IMPG1: variants seen among roughly 807,000 people sequenced by gnomAD.
IMPG1 encodes the protein interphotoreceptor matrix proteoglycan 1.
Under a neutral mutation model 92.0 loss-of-function variants are expected in IMPG1, and 85 were observed. The ratio of observed to expected loss-of-function variants is 0.92; its 90% CI spans 0.78 to 1.11. The LOEUF (loss-of-function observed/expected upper bound fraction) is 1.11. Ranked by LOEUF, IMPG1 falls within the 50% of genes least tolerant of loss-of-function variation. IMPG1 has a pLI of 0.00. For synonymous variants in IMPG1, 367 were observed against 334.1 expected, an observed-to-expected ratio of 1.10 and a Z score of -1.08; for missense variants, 1,022 against 956.0, an observed-to-expected ratio of 1.07 and a Z score of -0.91.
At chr6:76,070,769 C>G (rs1784391689) in intron 1 of IMPG1, among the ~76,000 whole-genome samples, 1 of 151,864 alleles carries the variant, frequency 6.6e-6, no homozygotes, top group African/African-American at 2.4e-5. Flanking sequence ...ATAATGTATA[C>G]ACAAGAAAGA....
intron 4 of IMPG1, among the ~76,000 whole-genome samples, chr6:76,027,380 A>T (rs1429516977): frequency 6.6e-6 from 1 of 152,242 alleles, no homozygotes; most frequent in Non-Finnish European, 1.5e-5. Context: ...GCACACAATT[A>T]AAGTAACTTA....
intron 12 of IMPG1, among the ~76,000 whole-genome samples, chr6:75,979,068 A>T (rs1189666037): frequency 6.6e-6 from 1 of 151,644 alleles, no homozygotes; most frequent in African/African-American, 2.4e-5. Context: ...GTGTGCCACC[A>T]TACCTACCTA....
chr6:75,961,988 G>A (rs918842232), intron 12 of IMPG1, among the ~76,000 whole-genome samples: 1 of 142,200 alleles, frequency 7.0e-6, no homozygotes, highest in African/African-American at 2.5e-5. Context: ...ATGGTAAAGG[G>A]GACTTTGAAA....
chr6:76,018,553 T>A (rs1783337029), intron 7 of IMPG1, among the ~76,000 whole-genome samples, 165 bp downstream of exon 7: 1 of 152,184 alleles, frequency 6.6e-6, no homozygotes, highest in Admixed American at 6.5e-5. Flanking sequence ...GGAGATCCAT[T>A]TGTTCTAACA....
chr6:75,974,379 C>CT (rs1299698465), intron 12 of IMPG1, among the ~76,000 whole-genome samples: 6,075 of 87,408 alleles, frequency 0.07, 326 homozygotes, highest in East Asian at 0.13. Flanking sequence ...TTCTTTCTTT[C>CT]TTTCTTTCTT....
chr6:75,924,707 A>AT (rs372476449), intron 15 of IMPG1, among the ~76,000 whole-genome samples: 542 of 2,728 alleles, frequency 0.2, 216 homozygotes, highest in African/African-American at 0.23. Context: ...ATTATATATA[A>AT]TATATAATAT....
chr6:76,023,142 AT>A (rs1783463261), intron 5 of IMPG1, among the ~76,000 whole-genome samples: 2 of 152,232 alleles, frequency 1.3e-5, no homozygotes, highest in African/African-American at 2.4e-5. Flanking sequence ...TATCAGAATC[AT>A]CTAGGCAAGG....
At chr6:75,951,336 T>C (rs1345896364) in intron 12 of IMPG1, among the ~76,000 whole-genome samples, 1 of 152,080 alleles carries the variant, frequency 6.6e-6, no homozygotes, top group Non-Finnish European at 1.5e-5. Context: ...GGCCCAGTAG[T>C]TCTTGATATA....
intron 1 of IMPG1, among the ~76,000 whole-genome samples, chr6:76,064,706 C>T (rs1025059476): frequency 6.6e-6 from 1 of 152,180 alleles, no homozygotes; most frequent in African/African-American, 2.4e-5. Flanking sequence ...TTCCATAGAT[C>T]AGCCCATTGC....
chr6:75,948,681 C>G (rs1398107831), intron 13 of IMPG1, among the ~76,000 whole-genome samples: 3 of 152,160 alleles, frequency 2.0e-5, no homozygotes, highest in Non-Finnish European at 4.4e-5. Context: ...CCTGTCTTCA[C>G]CTACTGTGCA....
chr6:76,032,817 G>T (rs1274228732), intron 4 of IMPG1, among the ~76,000 whole-genome samples: 2 of 152,090 alleles, frequency 1.3e-5, no homozygotes, highest in Non-Finnish European at 1.5e-5. Flanking sequence ...TGAGTAGGGT[G>T]TGGTCGATAT....
In IMPG1 at chr6:76,026,411, C is replaced by G. The variant is rs1036641489; in HGVS notation, c.498-1153G>C. Among the ~76,000 whole-genome samples, 3 of 152,302 alleles carry G rather than the reference C, an allele frequency of 2.0e-5. No homozygotes were observed. In the East Asian group the frequency reaches 5.8e-4, roughly 30 times the overall value. On this transcript the variant is annotated intron_variant, in intron 4 of 16. Coordinates refer to ENST00000369950, the MANE Select transcript of IMPG1 (RefSeq NM_001563.4). The stretch of plus-strand genomic sequence containing the variant: ...TTGGACTTCTCAGGGTGGGGGAAAC[C>G]ATGCCCCCATACCCCATTGCTCCTG...
At chr6:76,054,602 A>T (rs184269642) in intron 1 of IMPG1, among the ~76,000 whole-genome samples, 1 of 152,272 alleles carries the variant, frequency 6.6e-6, no homozygotes, top group African/African-American at 2.4e-5. Context: ...GATATATTAA[A>T]ATCAAATGAA....
At position 76,034,694 on chromosome 6, in the gene IMPG1, T is replaced by A. The variant is rs758568614; in HGVS notation, c.395A>T (p.Gln132Leu). The change falls in exon 3 of 17, where the codon CAG (glutamine) becomes CTG (leucine). Residue 132 changes from glutamine (Q) to leucine (L), a missense_variant. Around this residue, in one of 3 missense-constraint regions of IMPG1, gnomAD observed 681 missense variants for 583.6 expected, o/e 1.17. Transcript: ENST00000369950. ...EYQDWVSICQ[Q>L]ETFCLFDIGK... Reference sequence around the variant, plus strand: ...AATGTCAAAGAGGCAGAAGGTCTCCTGCTGGCAGATGCTGACCCAGTCCTG... The same window carrying A: ...AATGTCAAAGAGGCAGAAGGTCTCCAGCTGGCAGATGCTGACCCAGTCCTG... The A allele has an allele frequency of 1.9e-6, 3 of 1,614,186 alleles. No homozygotes were observed. In the South Asian group the frequency reaches 3.3e-5, roughly 18 times the overall value.
At chr6:76,003,275 T>G (rs1455273952) in intron 11 of IMPG1, among the ~76,000 whole-genome samples, 3 of 152,226 alleles carry the variant, frequency 2.0e-5, no homozygotes, top group Admixed American at 1.3e-4. Flanking sequence ...ATGTCAATCA[T>G]GTTATGAATT....
chr6:75,972,411 A>G (rs984154830), intron 12 of IMPG1, among the ~76,000 whole-genome samples: 4 of 149,628 alleles, frequency 2.7e-5, no homozygotes, highest in African/African-American at 9.8e-5. Flanking sequence ...ACCCATCCCA[A>G]CCCTTTTGTT....
intron 4 of IMPG1, among the ~76,000 whole-genome samples, chr6:76,033,499 T>C (rs1224562108): frequency 6.6e-6 from 1 of 152,206 alleles, no homozygotes; most frequent in African/African-American, 2.4e-5. Context: ...TAACAGCAGT[T>C]GTGCAAGTTG....
At chr6:76,034,172 C>T (rs1176057526) in intron 4 of IMPG1, 143 bp downstream of exon 4, 2 of 733,236 alleles carry the variant, frequency 2.7e-6, no homozygotes, top group East Asian at 5.2e-5. Context: ...ACATTATATG[C>T]AGGAATTGTC....
At chr6:76,018,625 G>A (rs1783338619) in intron 7 of IMPG1, 93 bp downstream of exon 7, 1 of 1,159,500 alleles carries the variant, frequency 8.6e-7, no homozygotes. Flanking sequence ...GCCAGGAGAA[G>A]CTGGAACTGT....
Sources: allele counts gnomAD v4.1 joint callset (sites outside exome capture counted in the v4.1 genomes callset), GRCh38; gene constraint gnomAD v4.1.1; regional missense constraint gnomAD v4.1.1; transcripts MANE v1.5; gene names NCBI Gene and HGNC (gene_info 2026-07-23, HGNC 2026-07-21).